PTGES3L: variants seen among roughly 807,000 people sequenced by gnomAD.
PTGES3L encodes putative protein PTGES3L.
A neutral mutation model predicts 25.0 loss-of-function variants in PTGES3L; 17 were observed. The observed-to-expected ratio is 0.68, with a 90% CI of 0.47 to 1.02. The LOEUF is 1.02. Ranked by LOEUF, PTGES3L falls within the 50% of genes least tolerant of loss-of-function variation. PTGES3L has a pLI of 0.00. For missense variants in PTGES3L, 202 were observed against 197.5 expected (o/e 1.02, Z -0.14); for synonymous variants, 59 against 65.7 (o/e 0.90, Z 0.50).
chr17:42,970,592 G>A (rs1480961120), intron 5 of PTGES3L, among the ~76,000 whole-genome samples: 1 of 152,006 alleles, frequency 6.6e-6, no homozygotes, highest in African/African-American at 2.4e-5. Flanking sequence ...GACAGTGTGT[G>A]ATTTACTGGG....
rs777169167 is a variant in PTGES3L at position 42,968,113 on chromosome 17, G to T, written c.*1035C>A. Reference sequence around the variant, plus strand: ...TTCAAGAGCAAAGTCTATAGGCAATGCATTTATTTTGTTTAAGTTACAGTC... The same window carrying T: ...TTCAAGAGCAAAGTCTATAGGCAATTCATTTATTTTGTTTAAGTTACAGTC... On this transcript the variant is annotated 3_prime_UTR_variant, in exon 7 of 7. Coordinates refer to ENST00000591916, the MANE Select transcript of PTGES3L (RefSeq NM_001261430.2). 1 of 152,136 alleles carries T rather than the reference G, an allele frequency of 6.6e-6. No individual in the cohort carries two copies. The highest frequency in any genetic ancestry group is 2.1e-4 in the South Asian group (1 of 4,828). 9.4% of individuals were successfully genotyped at this position (152,136 alleles called of 1,614,324 possible). A position where few individuals can be genotyped will look rare whatever the true frequency, so the allele number is the denominator to read the frequency against.
chr17:42,974,359 T>C (rs2049916396), intron 4 of PTGES3L, among the ~76,000 whole-genome samples: 1 of 131,578 alleles, frequency 7.6e-6, no homozygotes, highest in African/African-American at 2.9e-5. Flanking sequence ...GAACTCTGTC[T>C]CGAAAAAAAA....
At position 42,968,532 on chromosome 17, in the gene PTGES3L, G is replaced by GAA. The variant is rs748426851; in HGVS notation, c.*614_*615dup. 5 of 136,168 alleles carry GAA rather than the reference G, an allele frequency of 3.7e-5. No individual in the cohort carries two copies. The highest frequency in any genetic ancestry group is 4.8e-5 in the Non-Finnish European group (3 of 62,532). The allele number at this position is 136,168 out of a possible 1,614,324, so 8.4% of individuals were successfully genotyped here. The stretch of plus-strand genomic sequence containing the variant: ...GGCGACAGAGCAAGACTCCATCTCG[G>GAA]AAAAAAAAAAAAAAAGTATAAAGAG... On this transcript the variant is annotated 3_prime_UTR_variant, in exon 7 of 7. Coordinates refer to ENST00000591916, the MANE Select transcript of PTGES3L (RefSeq NM_001261430.2).
intron 1 of PTGES3L, 108 bp from the exon 2 acceptor site, chr17:42,979,771 G>A (rs2050040562): frequency 2.0e-6 from 3 of 1,474,278 alleles, no homozygotes; most frequent in Non-Finnish European, 2.8e-6. Context: ...TTTCAAAGTG[G>A]AGCTAAATGA....
At chr17:42,971,901 A>AC in intron 4 of PTGES3L, 1 of 541,128 alleles carries the variant, frequency 1.8e-6, no homozygotes, top group Non-Finnish European at 3.3e-6. Flanking sequence ...CAGAAGTCCT[A>AC]CCCTCCGGCC....
chr17:42,971,284 C>CCACACA (rs56818030), intron 5 of PTGES3L, among the ~76,000 whole-genome samples: 23,795 of 149,412 alleles, frequency 0.16, 2,725 homozygotes, highest in African/African-American at 0.32. Context: ...CGACAGAAAA[C>CCACACA]CACACACACA....
chr17:42,970,669 A>AACGCACACACACAC, intron 5 of PTGES3L, among the ~76,000 whole-genome samples: 1 of 118,404 alleles, frequency 8.4e-6, no homozygotes, highest in African/African-American at 4.0e-5. Flanking sequence ...TGTCTGGCTT[A>AACGCACACACACAC]ACACGCGCAC....
chr17:42,978,843 A>C (rs898149488), intron 4 of PTGES3L, among the ~76,000 whole-genome samples: 21 of 151,976 alleles, frequency 1.4e-4, no homozygotes, highest in Admixed American at 2.0e-4. Context: ...TCTACTAAAA[A>C]TACAAAATTA....
intron 4 of PTGES3L, among the ~76,000 whole-genome samples, chr17:42,973,182 G>C (rs569160126): frequency 1.1e-3 from 164 of 147,976 alleles, no homozygotes; most frequent in African/African-American, 3.9e-3. Context: ...CCCCATCCGG[G>C]AGGGAGGTGG....
intron 4 of PTGES3L, among the ~76,000 whole-genome samples, chr17:42,973,000 T>C (rs2049876525): frequency 1.3e-5 from 2 of 148,348 alleles, no homozygotes; most frequent in African/African-American, 5.0e-5. Flanking sequence ...GAGGAGCGCC[T>C]CTGCCCGGCC....
chr17:42,970,784 C>CT (rs1472548280), intron 5 of PTGES3L, among the ~76,000 whole-genome samples: 10 of 150,222 alleles, frequency 6.7e-5, no homozygotes, highest in Non-Finnish European at 1.5e-4. Context: ...AGACAGATCA[C>CT]TTGAGGCCAG....
intron 4 of PTGES3L, 51 bp from the exon 5 acceptor site, chr17:42,971,747 T>C (rs2049840632): frequency 4.4e-6 from 7 of 1,602,694 alleles, no homozygotes; most frequent in Admixed American, 1.7e-5. Context: ...GGAGCAGGAG[T>C]GTGTGGGAGA....
intron 4 of PTGES3L, among the ~76,000 whole-genome samples, chr17:42,976,046 G>T (rs1263295435): frequency 6.6e-6 from 1 of 151,466 alleles, no homozygotes; most frequent in Admixed American, 6.6e-5. Context: ...GCAGTGGTGA[G>T]CTCTTGGCTC....
chr17:42,977,394 C>G (rs1442232986), intron 4 of PTGES3L, among the ~76,000 whole-genome samples: 1 of 150,212 alleles, frequency 6.7e-6, no homozygotes, highest in Non-Finnish European at 1.5e-5. Context: ...CCACTGCACT[C>G]CAGCCTGGGT....
At chr17:42,976,777 T>G (rs550555028) in intron 4 of PTGES3L, among the ~76,000 whole-genome samples, 16 of 152,240 alleles carry the variant, frequency 1.1e-4, no homozygotes, top group African/African-American at 3.9e-4. Context: ...GGAGACGACT[T>G]TGGAGGGCCT....
rs777021844 is a variant in PTGES3L, at chr17:42,979,199, A to G, written c.259T>C (p.Trp87Arg). The G allele has an allele frequency of 1.2e-6, 2 of 1,614,150 alleles. No homozygotes were observed. The highest frequency in any genetic ancestry group is 1.7e-6 in the Non-Finnish European group (2 of 1,180,028). The change falls in exon 4 of 7, where the codon TGG becomes CGG. Residue 87 changes from tryptophan to arginine, a missense_variant. By Grantham distance (101) the Trp-to-Arg change is moderately radical. Transcript: ENST00000591916. ...ATATCCTCCTTGGTAAGCCGCGGCC[A>G]GGCCACCTTTTCCTTCCATTTTCTC... Reference protein sequence around the residue: ...FVRKWKEKVAWPRLTKEDIKP... With the variant: ...FVRKWKEKVARPRLTKEDIKP...
At chr17:42,978,077 CAA>C (rs368420097) in intron 4 of PTGES3L, among the ~76,000 whole-genome samples, 2 of 47,394 alleles carry the variant, frequency 4.2e-5, no homozygotes, top group Non-Finnish European at 6.7e-5. Context: ...AACTCCGAAT[CAA>C]AAAAAAAAAA....
chr17:42,975,006 C>T (rs529004126), intron 4 of PTGES3L, among the ~76,000 whole-genome samples: 102 of 151,866 alleles, frequency 6.7e-4, no homozygotes, highest in African/African-American at 2.3e-3. Flanking sequence ...CATGGTGGCA[C>T]ACTTCTGTTG....
Position 42,979,645 on chromosome 17 carries a change from C to G in PTGES3L, c.27G>C (p.Leu9Phe). MARQHART[L>F]WYDRPRYVFM... ...ACACATACCTGGGCCTGTCGTACCA[C>G]AAGGTCCGGGCGTGCTGCCTGAAGA... is the stretch of plus-strand genomic sequence containing the variant. The change falls in exon 2 of 7, where the codon TTG becomes TTC. Residue 9 changes from leucine to phenylalanine, a missense_variant. Coordinates refer to ENST00000591916, the MANE Select transcript of PTGES3L (RefSeq NM_001261430.2). The G allele has an allele frequency of 1.2e-6, 2 of 1,614,088 alleles. No homozygotes were observed. The highest frequency in any genetic ancestry group is 1.7e-6 in the Non-Finnish European group (2 of 1,180,026).
Sources: gnomAD v4.1 joint callset for allele counts (sites outside exome capture counted in the v4.1 genomes callset) on GRCh38, gnomAD v4.1.1 for gene constraint, MANE v1.5 for transcripts, NCBI Gene and HGNC (gene_info 2026-07-23, HGNC 2026-07-21) for gene names.